The following WDFY3 variants were observed in gnomAD, a reference collection of about 807,000 sequenced individuals.
The protein encoded by WDFY3 is WD repeat and FYVE domain containing 3, also known as WD repeat and FYVE domain-containing protein 3.
In WDFY3, 66 loss-of-function variants were observed where a neutral mutation model predicts 409.6. The ratio of observed to expected loss-of-function variants is 0.16; its 90% CI spans 0.13 to 0.20. WDFY3 has a LOEUF of 0.20. Ranked by LOEUF, WDFY3 falls within the 10% of genes least tolerant of loss-of-function variation. The pLI, the probability that WDFY3 is intolerant of heterozygous loss-of-function variation, is 1.00. For missense variants in WDFY3, 3,031 were observed against 4,298.1 expected (o/e 0.71, Z 8.24); for synonymous variants, 1,521 against 1,537.1 (o/e 0.99, Z 0.25).
At chr4:84,925,999 C>T (rs1224454383) in intron 2 of WDFY3, among the ~76,000 whole-genome samples, 1 of 151,106 alleles carries the variant, frequency 6.6e-6, no homozygotes, top group East Asian at 2.0e-4. Context: ...AGAGACTAAA[C>T]CATTGGGCAG....
chr4:84,810,227 G>A lies in WDFY3; in HGVS notation c.2005C>T (p.Pro669Ser), dbSNP rs368591702. The A allele has an allele frequency of 6.2e-7, 1 of 1,614,042 alleles. No homozygotes were observed. Among genetic ancestry groups the A allele is most frequent in the South Asian group, 1.1e-5 (1 of 91,072 alleles). The part of the protein sequence containing the change: ...VAMERSLSCP[P>S]KNGWEKVNQN... Reference sequence around the variant, plus strand: ...TTCACTTTCTCCCAGCCATTCTTGGGTGGACAGCTCAAAGATCTTTCCATA... The same window carrying A: ...TTCACTTTCTCCCAGCCATTCTTGGATGGACAGCTCAAAGATCTTTCCATA... The change falls in exon 14 of 68, where the codon CCC (proline) becomes TCC (serine). Residue 669 changes from proline (P) to serine (S), a missense_variant. Physicochemically the swap from Pro to Ser is moderately conservative, Grantham distance 74. This residue lies in a region of WDFY3 where 1,322 missense variants were observed against 1,697.9 expected (regional missense o/e 0.78). Coordinates refer to ENST00000295888, the MANE Select transcript of WDFY3 (RefSeq NM_014991.6).
chr4:84,737,388 A>C, intron 40 of WDFY3, 22 bp from the exon 41 acceptor site: 1 of 1,530,728 alleles, frequency 6.5e-7, no homozygotes, highest in Non-Finnish European at 8.8e-7. Context: ...ACAAACAAAC[A>C]AACAAAAAAG....
chr4:84,859,297 G>A (rs775883818), intron 4 of WDFY3, among the ~76,000 whole-genome samples: 15 of 152,148 alleles, frequency 9.9e-5, no homozygotes, highest in Non-Finnish European at 2.2e-4. Context: ...TAACTATAGG[G>A]AAAGGATGAG....
chr4:84,915,301 A>C (rs4131745), intron 2 of WDFY3, among the ~76,000 whole-genome samples: 2 of 151,906 alleles, frequency 1.3e-5, no homozygotes, highest in Non-Finnish European at 2.9e-5. Context: ...TGAATTGTAC[A>C]CTTAAATATT....
Position 84,737,335 on chromosome 4 carries a change from T to C in WDFY3, c.6606A>G (p.Arg2202=). 1 of 1,595,618 alleles carries C rather than the reference T, an allele frequency of 6.3e-7. No individual in the cohort carries two copies. ...TACTATGTATCAGTTCAGTCCAAAC[T>C]CTGTTGACAGCTTTTATGAGAAGCT... ...GRQLLIKAVN[R]VWTELIHSKK... Residue 2202 remains arginine (R), a synonymous_variant, in exon 41 of 68, where the codon AGA becomes AGG. Transcript: ENST00000295888.
At chr4:84,919,619 T>C (rs13109918) in intron 2 of WDFY3, among the ~76,000 whole-genome samples, 57,738 of 151,968 alleles carry the variant, frequency 0.38, 11,226 homozygotes, top group Admixed American at 0.47. Flanking sequence ...GTTCTCATGA[T>C]AGTGAGTGAG....
intron 2 of WDFY3, among the ~76,000 whole-genome samples, chr4:84,912,632 G>A (rs981298907): frequency 1.3e-5 from 2 of 151,956 alleles, no homozygotes; most frequent in South Asian, 2.1e-4. Flanking sequence ...AACAGGAGAC[G>A]CAGCTTCTGC....
intron 2 of WDFY3, among the ~76,000 whole-genome samples, chr4:84,911,693 T>C (rs546472574): frequency 1.3e-5 from 2 of 152,250 alleles, no homozygotes; most frequent in South Asian, 4.1e-4. Flanking sequence ...CCTAGGAATA[T>C]TGAAAAAATT....
intron 64 of WDFY3, among the ~76,000 whole-genome samples, chr4:84,679,539 T>C (rs1435686492): frequency 6.6e-6 from 1 of 152,178 alleles, no homozygotes; most frequent in African/African-American, 2.4e-5. Context: ...CTCCCTGCTG[T>C]GCTGCAGCTA....
chr4:84,900,463 C>A (rs900218641), intron 2 of WDFY3, among the ~76,000 whole-genome samples: 6 of 151,974 alleles, frequency 3.9e-5, no homozygotes, highest in Non-Finnish European at 7.4e-5. Flanking sequence ...TGGCCTCAAG[C>A]GATCCTCCAA....
At chr4:84,929,516 C>CA (rs1172918649) in intron 2 of WDFY3, among the ~76,000 whole-genome samples, 1 of 148,338 alleles carries the variant, frequency 6.7e-6, no homozygotes, top group African/African-American at 2.5e-5. Context: ...GTCAGTACCT[C>CA]AAAATGTGAC....
rs750846212 is a variant in WDFY3 at position 84,831,603 on chromosome 4, G to T, written c.579C>A (p.Ile193=). Residue 193 remains isoleucine, a splice_region_variant and synonymous_variant, in exon 8 of 68, where the codon ATC becomes ATA. Coordinates refer to ENST00000295888, the MANE Select transcript of WDFY3 (RefSeq NM_014991.6). ...RGLLQKVFVQ[I]LVKLCSFVSP... ...AAACAAAACTGCACAGTTTCACTAA[G>T]ATCTAAAAAATAAAACAAAACAAAA... 6.3e-7 allele frequency: 1 copy of T among 1,598,830 alleles called. No homozygotes were observed. Among genetic ancestry groups the T allele is most frequent in the African/African-American group, 1.3e-5 (1 of 74,134 alleles).
chr4:84,765,435 T>C (rs1184449286), intron 32 of WDFY3, among the ~76,000 whole-genome samples: 1 of 152,162 alleles, frequency 6.6e-6, no homozygotes, highest in Non-Finnish European at 1.5e-5. Flanking sequence ...TGTGATGAAA[T>C]GTTATTGCCT....
intron 3 of WDFY3, among the ~76,000 whole-genome samples, chr4:84,868,491 T>A (rs1188885709): frequency 1.3e-5 from 2 of 152,198 alleles, no homozygotes. Context: ...GTCATTATCA[T>A]ATTTTAGCCC....
At chr4:84,811,371 C>CTAGG (rs1241677640) in intron 13 of WDFY3, among the ~76,000 whole-genome samples, 1 of 152,194 alleles carries the variant, frequency 6.6e-6, no homozygotes, top group Non-Finnish European at 1.5e-5. Flanking sequence ...ACTAGGCACT[C>CTAGG]TAGGTGCTTT....
rs981994529 is a variant in WDFY3, at chr4:84,768,739, G to A, written c.4850-2367C>T. Among the ~76,000 whole-genome samples, 5 of 152,254 alleles carry A rather than the reference G, an allele frequency of 3.3e-5. No homozygotes were observed. In the East Asian group the frequency reaches 7.7e-4, roughly 24 times the overall value. ...TCATGCTTGCTAATATATCCATTCT[G>A]TAGCCCATGAATCAAGGAGTAATCT... On this transcript the variant is annotated intron_variant, in intron 30 of 67. Coordinates refer to ENST00000295888, the MANE Select transcript of WDFY3 (RefSeq NM_014991.6).
At chr4:84,762,358 C>T (rs894186924) in intron 32 of WDFY3, among the ~76,000 whole-genome samples, 3 of 150,582 alleles carry the variant, frequency 2.0e-5, no homozygotes, top group Non-Finnish European at 3.0e-5. Context: ...TAAACTATCG[C>T]AAGAACAAAA....
At chr4:84,920,780 T>C (rs1269991053) in intron 2 of WDFY3, among the ~76,000 whole-genome samples, 1 of 152,170 alleles carries the variant, frequency 6.6e-6, no homozygotes, top group Non-Finnish European at 1.5e-5. Flanking sequence ...TTCCTTCCGG[T>C]TCTATAACTC....
At chr4:84,891,811 C>T (rs1007538209) in intron 3 of WDFY3, among the ~76,000 whole-genome samples, 1 of 152,106 alleles carries the variant, frequency 6.6e-6, no homozygotes, top group African/African-American at 2.4e-5. Flanking sequence ...AACTACATCT[C>T]CAAAGTCTAT....
Sources: gnomAD v4.1 joint callset for allele counts (sites outside exome capture counted in the v4.1 genomes callset) on GRCh38, gnomAD v4.1.1 for gene constraint, gnomAD v4.1.1 regional missense constraint, MANE v1.5 for transcripts, NCBI Gene and HGNC (gene_info 2026-07-23, HGNC 2026-07-21) for gene names.